Variants in SGCD observed in about 807,000 individuals in gnomAD.
SGCD encodes the protein delta-sarcoglycan.
SGCD carries 18 observed loss-of-function variants against 36.6 expected under a neutral mutation model. The observed-to-expected ratio is 0.49, with a 90% confidence interval of 0.34 to 0.73. The LOEUF (loss-of-function observed/expected upper bound fraction) is 0.73, where lower values mean the gene tolerates loss of function less well. SGCD is among the 30% of genes least tolerant of loss of function. The probability of loss-of-function intolerance (pLI) is 0.01; values close to 1 mark genes in which losing one functional copy is unlikely to be tolerated. For synonymous variants in SGCD, 133 were observed against 130.6 expected (o/e 1.02, Z -0.12); for missense variants, 387 against 346.7 (o/e 1.12, Z -0.92).
At chr5:156,565,718 C>A (rs968458914) in intron 4 of SGCD, among the ~76,000 whole-genome samples, 2 of 151,904 alleles carry the variant, frequency 1.3e-5, no homozygotes, top group African/African-American at 4.8e-5. Flanking sequence ...ACCGACAGGA[C>A]CCCGTGTGTG....
intron 7 of SGCD, among the ~76,000 whole-genome samples, chr5:156,655,810 T>G (rs1763648998): frequency 1.3e-5 from 2 of 152,126 alleles, no homozygotes; most frequent in Non-Finnish European, 2.9e-5. Context: ...ACTTATTCAC[T>G]GTTTTTTTTT....
At chr5:155,842,028 G>A in the SGCD span, among the ~76,000 whole-genome samples, 1 of 152,084 alleles carries the variant, frequency 6.6e-6, no homozygotes. Flanking sequence ...CTAGGAGCTT[G>A]GGCTGTGGGG....
chr5:155,847,481 C>T, the SGCD span, among the ~76,000 whole-genome samples: 308 of 152,304 alleles, frequency 2.0e-3, no homozygotes, highest in South Asian at 5.4e-3. Flanking sequence ...ATCTTCCCAT[C>T]AAGAGTTGAG....
intron 4 of SGCD, among the ~76,000 whole-genome samples, chr5:156,544,053 T>A (rs924235620): frequency 2.0e-5 from 3 of 152,192 alleles, no homozygotes; most frequent in African/African-American, 7.2e-5. Flanking sequence ...AAGCGAGATA[T>A]GTTTATACAC....
chr5:155,892,469 A>C (rs867679546), intron 1 of SGCD, among the ~76,000 whole-genome samples: 37 of 150,938 alleles, frequency 2.5e-4, no homozygotes, highest in African/African-American at 8.2e-4. Flanking sequence ...GAAAAAAAAA[A>C]AAAAAAAAAA....
chr5:156,580,021 C>CAAAAAA, intron 4 of SGCD, among the ~76,000 whole-genome samples: 1 of 152,162 alleles, frequency 6.6e-6, no homozygotes, highest in Non-Finnish European at 1.5e-5. Context: ...ATGGTCTTTA[C>CAAAAAA]AATTTGGCAT....
chr5:156,560,856 C>T (rs919048679), intron 4 of SGCD, among the ~76,000 whole-genome samples: 4 of 152,056 alleles, frequency 2.6e-5, no homozygotes, highest in African/African-American at 7.2e-5. Flanking sequence ...ATTTGATCTT[C>T]AGTTTTCTCA....
chr5:156,123,762 A>G (rs956311768), intron 2 of SGCD: 1 of 152,098 alleles, frequency 6.6e-6, no homozygotes, highest in East Asian at 1.9e-4. Context: ...TCTTTTGTTT[A>G]GTCTCTCCAA....
At chr5:156,229,090 A>G (rs1764929225) in intron 3 of SGCD, among the ~76,000 whole-genome samples, 1 of 151,374 alleles carries the variant, frequency 6.6e-6, no homozygotes, top group Admixed American at 6.6e-5. Context: ...CCCATGCTGA[A>G]TGCTTCCTGC....
At chr5:156,392,971 G>T (rs1017223865) in intron 3 of SGCD, among the ~76,000 whole-genome samples, 24 of 152,156 alleles carry the variant, frequency 1.6e-4, no homozygotes, top group African/African-American at 5.8e-4. Context: ...GGGGCGTGGC[G>T]GGGAAATTCA....
At chr5:155,875,661 G>A (rs1386587127) in intron 1 of SGCD, among the ~76,000 whole-genome samples, 1 of 140,896 alleles carries the variant, frequency 7.1e-6, no homozygotes, top group South Asian at 2.3e-4. Context: ...TTTTTTTTTA[G>A]TTGTTATGGT....
At chr5:156,302,800 C>G (rs551245464) in intron 3 of SGCD, among the ~76,000 whole-genome samples, 1 of 152,264 alleles carries the variant, frequency 6.6e-6, no homozygotes, top group African/African-American at 2.4e-5. Context: ...GTTATCTTCT[C>G]TTACTTTCTC....
At chr5:156,027,596 A>G (rs77495425) in intron 1 of SGCD, among the ~76,000 whole-genome samples, 6,665 of 152,186 alleles carry the variant, frequency 0.044, 484 homozygotes, top group African/African-American at 0.15. Flanking sequence ...AAAATGCTAT[A>G]CATTTCCCAG....
intron 4 of SGCD, among the ~76,000 whole-genome samples, chr5:156,519,199 A>G (rs535983319): frequency 6.6e-6 from 1 of 152,274 alleles, no homozygotes; most frequent in Non-Finnish European, 1.5e-5. Context: ...AGAATACTAT[A>G]AACACCTCTA....
chr5:156,238,439 G>T (rs1424059580), intron 3 of SGCD, among the ~76,000 whole-genome samples: 1 of 152,126 alleles, frequency 6.6e-6, no homozygotes, highest in African/African-American at 2.4e-5. Flanking sequence ...CTGGGCAACT[G>T]CTTTTGCCTC....
intron 3 of SGCD, among the ~76,000 whole-genome samples, chr5:156,295,733 G>C (rs1766875637): frequency 1.3e-5 from 2 of 152,110 alleles, no homozygotes; most frequent in South Asian, 2.1e-4. Context: ...GTTCCTCACA[G>C]GAAAATTGTA....
At chr5:156,192,186 T>C (rs1763907820) in intron 3 of SGCD, among the ~76,000 whole-genome samples, 1 of 152,172 alleles carries the variant, frequency 6.6e-6, no homozygotes, top group Admixed American at 6.5e-5. Context: ...CTTATGATAG[T>C]GATGCATTTA....
At chr5:155,762,575 C>G in the SGCD span, among the ~76,000 whole-genome samples, 2 of 152,114 alleles carry the variant, frequency 1.3e-5, no homozygotes, top group African/African-American at 4.8e-5. Flanking sequence ...TAACCACAAG[C>G]TTGTGAGGGG....
At chr5:156,494,259 A>T (rs1756075897) in intron 3 of SGCD, among the ~76,000 whole-genome samples, 1 of 152,034 alleles carries the variant, frequency 6.6e-6, no homozygotes, top group African/African-American at 2.4e-5. Flanking sequence ...CACATGAAGA[A>T]AGACCCAGAA....
Sources: gnomAD v4.1 joint callset for allele counts (sites outside exome capture counted in the v4.1 genomes callset) on GRCh38, gnomAD v4.1.1 for gene constraint, MANE v1.5 for transcripts, NCBI Gene and HGNC (gene_info 2026-07-23, HGNC 2026-07-21) for gene names.